Variants in GALNT11 observed in about 807,000 individuals in gnomAD.
The protein encoded by GALNT11 is UDP-GalNAc:polypeptide N-acetylgalactosaminyltransferase 11.
GALNT11 carries 47 observed loss-of-function variants against 72.7 expected under a neutral mutation model. The observed-to-expected ratio is 0.65, with a 90% CI of 0.51 to 0.82. The LOEUF is 0.82. Among genes scored for constraint, GALNT11 ranks in the 40% least tolerant of loss-of-function variants. GALNT11 has a pLI of 0.00. For synonymous variants in GALNT11, 270 were observed against 286.6 expected, an observed-to-expected ratio of 0.94 and a Z score of 0.58; for missense variants, 677 against 778.4, an observed-to-expected ratio of 0.87 and a Z score of 1.55.
In GALNT11 at chr7:152,089,636, G is replaced by T. The variant is rs568778191; in HGVS notation, c.-38-4554G>T. The stretch of plus-strand genomic sequence containing the variant: ...GTTGCTTATGCCAAATAGGGAAGGG[G>T]CATAGGCTGCGAGCTGGAACGTGCC... On this transcript the variant is annotated intron_variant, in intron 1 of 11. Transcript: ENST00000430044. Among the ~76,000 whole-genome samples, 7 of 152,306 alleles carry T rather than the reference G, an allele frequency of 4.6e-5. No homozygotes were observed. In the East Asian group the frequency reaches 1.2e-3, roughly 25 times the overall value.
intron 1 of GALNT11, among the ~76,000 whole-genome samples, chr7:152,032,657 T>C (rs1346420077): frequency 6.6e-6 from 1 of 152,192 alleles, no homozygotes; most frequent in Non-Finnish European, 1.5e-5. Context: ...TGTGGTGGGA[T>C]CTTTTAACCT....
At chr7:152,032,074 C>T (rs1167714914) in intron 1 of GALNT11, among the ~76,000 whole-genome samples, 1 of 152,186 alleles carries the variant, frequency 6.6e-6, no homozygotes, top group Non-Finnish European at 1.5e-5. Context: ...ATGCCTTGTA[C>T]CCTTGATTAG....
chr7:152,035,667 G>A (rs2082538043), intron 1 of GALNT11, among the ~76,000 whole-genome samples: 2 of 152,218 alleles, frequency 1.3e-5, no homozygotes, highest in Non-Finnish European at 2.9e-5. Context: ...CGGAAAGCCT[G>A]ACACCCGTGT....
At chr7:152,105,143 G>A (rs2087394199) in intron 4 of GALNT11, 102 bp from the exon 5 acceptor site, 2 of 1,235,194 alleles carry the variant, frequency 1.6e-6, no homozygotes, top group African/African-American at 3.0e-5. Context: ...TTGATAGTTT[G>A]TTGTAAATTT....
chr7:152,102,329 G>A (rs1232012369), intron 3 of GALNT11, among the ~76,000 whole-genome samples: 3 of 151,858 alleles, frequency 2.0e-5, no homozygotes, highest in African/African-American at 7.3e-5. Context: ...GGATCACGAG[G>A]TCAGGAGATC....
chr7:152,027,903 C>G (rs932627163), intron 1 of GALNT11, among the ~76,000 whole-genome samples: 1 of 143,788 alleles, frequency 7.0e-6, no homozygotes, highest in Admixed American at 6.7e-5. Flanking sequence ...TTTTTCCTCC[C>G]AGTGGGTTCA....
chr7:152,105,077 T>A (rs2087386963), intron 4 of GALNT11, among the ~76,000 whole-genome samples, 168 bp from the exon 5 acceptor site: 1 of 152,242 alleles, frequency 6.6e-6, no homozygotes, highest in African/African-American at 2.4e-5. Flanking sequence ...TTTCTTTTTC[T>A]TCCTACAGGA....
At chr7:152,035,950 G>A (rs192486505) in intron 1 of GALNT11, among the ~76,000 whole-genome samples, 4 of 152,138 alleles carry the variant, frequency 2.6e-5, no homozygotes. Flanking sequence ...TCTTCAGGGG[G>A]TGTCTTCTGC....
chr7:152,038,126 A>G (rs562949016), intron 1 of GALNT11, among the ~76,000 whole-genome samples: 1 of 152,262 alleles, frequency 6.6e-6, no homozygotes, highest in Admixed American at 6.5e-5. Context: ...GAGATCATTC[A>G]CTGCCGAGAC....
intron 1 of GALNT11, among the ~76,000 whole-genome samples, chr7:152,032,549 C>T (rs1348327584): frequency 6.6e-6 from 1 of 152,196 alleles, no homozygotes. Context: ...GGGACTGCTG[C>T]ATTTCTTTAC....
intron 1 of GALNT11, among the ~76,000 whole-genome samples, chr7:152,090,657 C>T (rs1451774099): frequency 6.7e-6 from 1 of 149,238 alleles, no homozygotes; most frequent in Non-Finnish European, 1.5e-5. Flanking sequence ...CCCCCCCACC[C>T]CACCCCACCC....
At position 152,117,286 on chromosome 7, in the gene GALNT11, A is replaced by G. The variant is rs373385260; in HGVS notation, c.1363A>G (p.Met455Val). Residue 455 changes from methionine to valine, a missense_variant, in exon 9 of 12, where the codon ATG becomes GTG. Transcript: ENST00000430044. The part of the protein sequence containing the change: ...KWYLDNVYPE[M>V]QISGSHAKPQ... ...GTATTTGGATAATGTATACCCAGAG[A>G]TGCAGATATCTGGGTCCCACGCCAA... 1.7e-5 allele frequency: 28 copies of G among 1,614,124 alleles called. No homozygotes were observed. The highest frequency in any genetic ancestry group is 8.0e-5 in the African/African-American group (6 of 74,944).
At chr7:152,086,833 A>G (rs1214040067) in intron 1 of GALNT11, among the ~76,000 whole-genome samples, 3 of 152,246 alleles carry the variant, frequency 2.0e-5, no homozygotes, top group African/African-American at 7.2e-5. Flanking sequence ...AAATGAGACA[A>G]TAAATTCCTG....
At chr7:152,111,200 A>T (rs2088152709) in intron 7 of GALNT11, among the ~76,000 whole-genome samples, 1 of 151,734 alleles carries the variant, frequency 6.6e-6, no homozygotes, top group Admixed American at 6.6e-5. Context: ...CCCAGGTTGG[A>T]GTAGAGTGGG....
chr7:152,094,378 T>C lies in GALNT11; in HGVS notation c.151T>C (p.Ser51Pro), dbSNP rs1563067769. 18 of 1,613,942 alleles carry C rather than the reference T, an allele frequency of 1.1e-5. No homozygotes were observed. The highest frequency in any genetic ancestry group is 1.2e-5 in the Non-Finnish European group (14 of 1,180,022). ...CAAGGGGTCTGGGCCCCACGGACCA[T>C]CTCCAAAAAAATTCTATCCCCGTTT... ...PVKGSGPHGP[S>P]PKKFYPRFTR... Residue 51 changes from serine to proline, a missense_variant, in exon 2 of 12, where the codon TCT becomes CCT. Coordinates refer to ENST00000430044, the MANE Select transcript of GALNT11 (RefSeq NM_022087.4). This position sits in a 1 kb window ranked among gnomAD's most constrained non-coding sequence, Gnocchi z 4.3.
chr7:152,092,683 T>C (rs2129036697), intron 1 of GALNT11, among the ~76,000 whole-genome samples: 1 of 152,350 alleles, frequency 6.6e-6, no homozygotes, highest in South Asian at 2.1e-4. Flanking sequence ...ATTTTTACAG[T>C]GGTGCTTTAC....
At chr7:152,060,484 A>T (rs1457598792) in intron 1 of GALNT11, among the ~76,000 whole-genome samples, 9 of 148,770 alleles carry the variant, frequency 6.0e-5, no homozygotes, top group Admixed American at 4.7e-4. Flanking sequence ...TTTTTTTTTT[A>T]TATATATATA....
At chr7:152,040,257 G>A (rs2082790612) in intron 1 of GALNT11, among the ~76,000 whole-genome samples, 1 of 151,878 alleles carries the variant, frequency 6.6e-6, no homozygotes, top group Non-Finnish European at 1.5e-5. Context: ...GTGAGAAAAG[G>A]TGTCCACACA....
At position 152,094,684 on chromosome 7, in the gene GALNT11, G is replaced by A. The variant is rs953024520; in HGVS notation, c.295+162G>A. On this transcript the variant is annotated intron_variant, in intron 2 of 11. Transcript: ENST00000430044. This position sits in a 1 kb window ranked among gnomAD's most constrained non-coding sequence, Gnocchi z 4.3. ...GTTCTGTGGTTTCTGCAGACTCAGT[G>A]GGGAGTTATATTCTAATTTATCCAG... Among the ~76,000 whole-genome samples, 1 of 152,170 alleles carries A rather than the reference G, an allele frequency of 6.6e-6. No homozygotes were observed. Among genetic ancestry groups the A allele is most frequent in the African/African-American group, 2.4e-5 (1 of 41,432 alleles).
Sources: gnomAD v4.1 joint callset for allele counts (sites outside exome capture counted in the v4.1 genomes callset) on GRCh38, gnomAD v4.1.1 for gene constraint, Gnocchi (gnomAD v3.1) non-coding constraint, MANE v1.5 for transcripts, NCBI Gene and HGNC (gene_info 2026-07-23, HGNC 2026-07-21) for gene names.